The following ANXA3 variants were observed in gnomAD, a reference collection of about 807,000 sequenced individuals.
The protein encoded by ANXA3 is annexin A3.
ANXA3 carries 46 observed loss-of-function variants against 48.8 expected under a neutral mutation model. That is an observed-to-expected ratio of 0.94 (90% CI 0.74 to 1.21). The LOEUF (loss-of-function observed/expected upper bound fraction) is 1.21. Among genes scored for constraint, ANXA3 ranks in the 50% most tolerant of loss-of-function variants. The pLI is 0.00. For synonymous variants in ANXA3, 128 were observed against 134.7 expected (o/e 0.95, Z 0.35); for missense variants, 383 against 378.6 (o/e 1.01, Z -0.10).
At chr4:78,567,135 G>A (rs927431598) in intron 2 of ANXA3, among the ~76,000 whole-genome samples, 9 of 152,236 alleles carry the variant, frequency 5.9e-5, no homozygotes, top group Admixed American at 1.3e-4. Context: ...GCTCTTAGGC[G>A]AGGCCCCCAG....
intron 7 of ANXA3, 21 bp from the exon 8 acceptor site, chr4:78,595,360 T>C (rs374764867): frequency 3.7e-6 from 6 of 1,613,722 alleles, no homozygotes; most frequent in Non-Finnish European, 5.1e-6. Flanking sequence ...GGATGGCCCT[T>C]GTTTTCGTCC....
intron 10 of ANXA3, among the ~76,000 whole-genome samples, chr4:78,599,997 G>A (rs184618714): frequency 8.3e-4 from 127 of 152,122 alleles, no homozygotes; most frequent in African/African-American, 2.9e-3. Flanking sequence ...TTTTAATGTT[G>A]GGCAAGCACA....
At chr4:78,579,500 G>A (rs1723030789) in intron 4 of ANXA3, among the ~76,000 whole-genome samples, 1 of 152,210 alleles carries the variant, frequency 6.6e-6, no homozygotes. Flanking sequence ...GATGCTACAA[G>A]CATCTGAGAA....
At chr4:78,602,194 T>G (rs1259714936) in intron 11 of ANXA3, 1 of 143,272 alleles carries the variant, frequency 7.0e-6, no homozygotes. Flanking sequence ...GAGCCTAGAT[T>G]GCGCCACTGC....
chr4:78,577,119 T>A (rs556820683), intron 3 of ANXA3, among the ~76,000 whole-genome samples: 1 of 152,324 alleles, frequency 6.6e-6, no homozygotes, highest in Non-Finnish European at 1.5e-5. Context: ...AGATTGTATT[T>A]TTAAACATTT....
At chr4:78,552,921 C>A (rs1016457056) in intron 1 of ANXA3, among the ~76,000 whole-genome samples, 2 of 152,064 alleles carry the variant, frequency 1.3e-5, no homozygotes, top group African/African-American at 4.8e-5. Flanking sequence ...TAGAAATAAC[C>A]GTAGAGGAGG....
chr4:78,577,134 A>T (rs570342695), intron 3 of ANXA3, among the ~76,000 whole-genome samples: 2 of 152,212 alleles, frequency 1.3e-5, no homozygotes, highest in Non-Finnish European at 2.9e-5. Flanking sequence ...ACATTTACTT[A>T]GGCAGTAGTT....
intron 6 of ANXA3, among the ~76,000 whole-genome samples, chr4:78,586,645 A>T (rs1043060257): frequency 3.3e-5 from 5 of 152,218 alleles, no homozygotes; most frequent in African/African-American, 1.2e-4. Flanking sequence ...CATTGTCATC[A>T]ATGTAAGAGA....
In ANXA3 at chr4:78,582,297, G is replaced by GCCC. The variant is rs753441438; in HGVS notation, c.312+11_312+13dup. ...GCTAAAGAAATCCATGAAGGTATGA[G>GCCC]CCCCCCACAAGCCATTTCTGCCCAG... is the stretch of plus-strand genomic sequence containing the variant. On this transcript the variant is annotated splice_region_variant and intron_variant, in intron 5 of 12. Transcript: ENST00000264908. 4 of 1,586,318 alleles carry GCCC rather than the reference G, an allele frequency of 2.5e-6. No homozygotes were observed. The highest frequency in any genetic ancestry group is 2.7e-5 in the African/African-American group (2 of 74,170).
chr4:78,554,149 T>C (rs1391130906), intron 1 of ANXA3: 1 of 246,738 alleles, frequency 4.1e-6, no homozygotes, highest in South Asian at 1.1e-4. Context: ...AGTCAAAAAT[T>C]GGCTTTTCAG....
intron 2 of ANXA3, among the ~76,000 whole-genome samples, chr4:78,558,678 A>G (rs1041949851): frequency 3.3e-5 from 5 of 152,174 alleles, no homozygotes; most frequent in African/African-American, 9.7e-5. Flanking sequence ...TGAATCAACA[A>G]TCTATGTTGC....
At chr4:78,597,487 T>C in intron 10 of ANXA3, 73 bp downstream of exon 10, 1 of 1,005,990 alleles carries the variant, frequency 9.9e-7, no homozygotes, top group Non-Finnish European at 1.5e-6. Flanking sequence ...CTGCTCCTTT[T>C]GGGCAAGAAT....
At chr4:78,575,894 A>G (rs1009438885) in intron 3 of ANXA3, among the ~76,000 whole-genome samples, 8 of 152,150 alleles carry the variant, frequency 5.3e-5, no homozygotes, top group African/African-American at 9.6e-5. Flanking sequence ...ATTAGTGTTC[A>G]TGGATGGTAT....
intron 10 of ANXA3, 81 bp from the exon 11 acceptor site, chr4:78,601,429 T>A (rs1041880833): frequency 7.3e-7 from 1 of 1,364,824 alleles, no homozygotes; most frequent in Non-Finnish European, 1.0e-6. Flanking sequence ...CCAAAGAATC[T>A]TTTTAAAAAA....
intron 2 of ANXA3, among the ~76,000 whole-genome samples, chr4:78,555,425 C>T (rs538625585): frequency 1.3e-5 from 2 of 152,276 alleles, no homozygotes; most frequent in African/African-American, 4.8e-5. Context: ...AGACAAAAGA[C>T]TTATTTCCTT....
chr4:78,562,604 A>T (rs536292082), intron 2 of ANXA3, among the ~76,000 whole-genome samples: 1 of 152,220 alleles, frequency 6.6e-6, no homozygotes, highest in South Asian at 2.1e-4. Context: ...ATATTTACTA[A>T]CTATCTTTTA....
chr4:78,587,420 C>T lies in ANXA3; in HGVS notation c.403+1070C>T, dbSNP rs529361708. ...AGTCCAAGAGACCAACCATGAATAA[C>T]AAGGACACACCTATGACTTGGGAAA... On this transcript the variant is annotated intron_variant, in intron 6 of 12. Coordinates refer to ENST00000264908, the MANE Select transcript of ANXA3 (RefSeq NM_005139.3). Among the ~76,000 whole-genome samples the T allele has an allele frequency of 3.9e-5, 6 of 152,328 alleles. No individual in the cohort carries two copies. The South Asian group carries it at 1.2e-3, about 32-fold the overall frequency.
At chr4:78,568,712 C>T (rs1722780611) in intron 2 of ANXA3, among the ~76,000 whole-genome samples, 1 of 152,180 alleles carries the variant, frequency 6.6e-6, no homozygotes, top group South Asian at 2.1e-4. Flanking sequence ...TTTTGTGAGT[C>T]AAAAACAGAC....
At chr4:78,586,168 C>T (rs1232573248) in intron 5 of ANXA3, 92 bp from the exon 6 acceptor site, 1 of 861,186 alleles carries the variant, frequency 1.2e-6, no homozygotes, top group East Asian at 2.5e-5. Flanking sequence ...TAAAAGTGTC[C>T]TTTCATCTAT....
Sources: allele counts gnomAD v4.1 joint callset (sites outside exome capture counted in the v4.1 genomes callset), GRCh38; gene constraint gnomAD v4.1.1; transcripts MANE v1.5; gene names NCBI Gene and HGNC (gene_info 2026-07-23, HGNC 2026-07-21).